The following AFF3 variants were observed in gnomAD, a reference collection of about 807,000 sequenced individuals.
The protein encoded by AFF3 is ALF transcription elongation factor 3.
A neutral mutation model predicts 129.7 loss-of-function variants in AFF3; 32 were observed. That is an observed-to-expected ratio of 0.25 (90% confidence interval 0.19 to 0.33). AFF3 has a LOEUF of 0.33. AFF3 is among the 10% of genes least tolerant of loss of function. AFF3 has a pLI of 1.00. For missense variants in AFF3, 1,373 were observed against 1,592.0 expected (o/e 0.86, Z 2.34); for synonymous variants, 644 against 635.4 (o/e 1.01, Z -0.20).
chr2:99,628,318 G>C (rs1682791023), intron 13 of AFF3, among the ~76,000 whole-genome samples: 1 of 152,024 alleles, frequency 6.6e-6, no homozygotes, highest in Non-Finnish European at 1.5e-5. Flanking sequence ...TATTCTTTTT[G>C]TGACAATTGT....
intron 7 of AFF3, among the ~76,000 whole-genome samples, chr2:99,975,754 CTTTTT>C (rs35224838): frequency 9.6e-6 from 1 of 103,894 alleles, no homozygotes; most frequent in Non-Finnish European, 1.9e-5. Context: ...TTTCCCTCCA[CTTTTT>C]TTTTTTTTTT....
At position 99,601,455 on chromosome 2, in the gene AFF3, G is replaced by A. The variant is rs1189549037; in HGVS notation, c.1351C>T (p.Pro451Ser). The change falls in exon 14 of 25, where the codon CCC (proline) becomes TCC (serine). Residue 451 changes from proline to serine, a missense_variant. By Grantham distance (74) the Pro-to-Ser change is moderately conservative. Around this residue, in one of 9 missense-constraint regions of AFF3, gnomAD observed 413 missense variants for 424.4 expected, o/e 0.97. Transcript: ENST00000672756. Reference protein sequence around the residue: ...SSSESEGSKPPHFSSPEAEPA... With the variant: ...SSSESEGSKPSHFSSPEAEPA... The stretch of plus-strand genomic sequence containing the variant: ...CTTACCTCGGGGCTGGAGAAGTGGG[G>A]GGGCTTGCTGCCCTCACTCTCGCTG... The A allele has an allele frequency of 2.5e-6, 4 of 1,607,906 alleles. No individual in the cohort carries two copies. The highest frequency in any genetic ancestry group is 1.7e-5 in the Admixed American group (1 of 59,536).
intron 8 of AFF3, among the ~76,000 whole-genome samples, chr2:99,806,427 C>T (rs2105546371): frequency 6.6e-6 from 1 of 152,298 alleles, no homozygotes; most frequent in African/African-American, 2.4e-5. Context: ...ATGCTCAGCT[C>T]TGCGATGGGA....
chr2:99,776,734 G>T (rs1411962314), intron 8 of AFF3, among the ~76,000 whole-genome samples: 1 of 152,178 alleles, frequency 6.6e-6, no homozygotes. Context: ...CAAAAAAACT[G>T]CTAAAATCAT....
At chr2:99,678,985 C>A (rs187468579) in intron 11 of AFF3, among the ~76,000 whole-genome samples, 1 of 152,198 alleles carries the variant, frequency 6.6e-6, no homozygotes, top group South Asian at 2.1e-4. Flanking sequence ...TTAGCTCATG[C>A]CATCCCAGCT....
At chr2:99,776,026 A>G (rs1158010456) in intron 8 of AFF3, among the ~76,000 whole-genome samples, 1 of 152,226 alleles carries the variant, frequency 6.6e-6, no homozygotes, top group African/African-American at 2.4e-5. Context: ...AAGCTTCTAC[A>G]GTAGAACGAT....
chr2:99,732,906 TGTTGTG>T (rs1679947509), intron 10 of AFF3, among the ~76,000 whole-genome samples: 1 of 67,270 alleles, frequency 1.5e-5, no homozygotes, highest in Non-Finnish European at 3.8e-5. Flanking sequence ...AATATAATTT[TGTTGTG>T]GTGTCTGCAT....
intron 4 of AFF3, among the ~76,000 whole-genome samples, chr2:100,084,218 T>C (rs1689252979): frequency 1.3e-5 from 2 of 152,244 alleles, no homozygotes; most frequent in African/African-American, 4.8e-5. Flanking sequence ...CCACATGCTA[T>C]GTGTCAGGTC....
chr2:99,617,089 G>C (rs1000164644), intron 13 of AFF3, among the ~76,000 whole-genome samples: 2 of 152,086 alleles, frequency 1.3e-5, no homozygotes, highest in Non-Finnish European at 2.9e-5. Context: ...TTCCATTTTG[G>C]GCTACTATGG....
In AFF3 at chr2:99,627,350, T is replaced by C. The variant is rs146806244; in HGVS notation, c.1184+22276A>G. ...CAGTGATGTTGAGCTTTTTTTCATA[T>C]GCTTGTTGGCCGCATGTATGTCTTC... On this transcript the variant is annotated intron_variant, in intron 13 of 24. Coordinates refer to ENST00000672756, the MANE Select transcript of AFF3 (RefSeq NM_001386135.1). Among the ~76,000 whole-genome samples, 35 of 152,316 alleles carry C rather than the reference T, an allele frequency of 2.3e-4. No homozygotes were observed. The East Asian group carries it at 5.8e-3, about 25-fold the overall frequency.
chr2:99,860,306 C>A (rs1400070283), intron 7 of AFF3, among the ~76,000 whole-genome samples: 1 of 152,090 alleles, frequency 6.6e-6, no homozygotes, highest in East Asian at 1.9e-4. Flanking sequence ...GTAATCCCAG[C>A]ACTCTGGGAG....
intron 4 of AFF3, among the ~76,000 whole-genome samples, chr2:100,010,082 C>T (rs1254347671): frequency 1.3e-5 from 2 of 152,146 alleles, no homozygotes; most frequent in Non-Finnish European, 2.9e-5. Flanking sequence ...TCTCTCTACG[C>T]CTTAATGACT....
chr2:100,020,854 T>C (rs1011578733), intron 4 of AFF3, among the ~76,000 whole-genome samples: 1 of 152,196 alleles, frequency 6.6e-6, no homozygotes, highest in Non-Finnish European at 1.5e-5. Flanking sequence ...CATTCGCTCC[T>C]ACCCCAGCCC....
At chr2:100,011,931 C>T (rs558628737) in intron 4 of AFF3, among the ~76,000 whole-genome samples, 3 of 152,188 alleles carry the variant, frequency 2.0e-5, no homozygotes, top group East Asian at 1.9e-4. Flanking sequence ...AGAAAAGATG[C>T]TCCTCTTTAA....
intron 7 of AFF3, among the ~76,000 whole-genome samples, chr2:99,967,014 A>G (rs1370385432): frequency 2.0e-5 from 3 of 152,148 alleles, no homozygotes; most frequent in Admixed American, 6.5e-5. Context: ...GTTTATATTC[A>G]TAAGTTGGAA....
At chr2:99,891,758 C>A (rs1576290057) in intron 7 of AFF3, among the ~76,000 whole-genome samples, 1 of 152,168 alleles carries the variant, frequency 6.6e-6, no homozygotes, top group African/African-American at 2.4e-5. Context: ...GGTCCCACAG[C>A]TCATAGTTGG....
chr2:99,926,712 G>A lies in AFF3; in HGVS notation c.873+79920C>T, dbSNP rs551809939. On this transcript the variant is annotated intron_variant, in intron 7 of 24. Coordinates refer to ENST00000672756, the MANE Select transcript of AFF3 (RefSeq NM_001386135.1). ...AGGGGCAAGCCTGCCCTGCCTGGGG[G>A]TTACAGAGGATTAAGTATGGTCTGT... is the stretch of plus-strand genomic sequence containing the variant. Among the ~76,000 whole-genome samples, 173 of 151,408 alleles carry A rather than the reference G, an allele frequency of 1.1e-3. 2 individuals carry two copies. In the Middle Eastern group the frequency reaches 0.02, roughly 18 times the overall value.
At chr2:99,667,095 A>C (rs1368436091) in intron 12 of AFF3, among the ~76,000 whole-genome samples, 1 of 152,180 alleles carries the variant, frequency 6.6e-6, no homozygotes, top group African/African-American at 2.4e-5. Flanking sequence ...ACATTCTTTT[A>C]AGTGCCTATA....
intron 11 of AFF3, among the ~76,000 whole-genome samples, chr2:99,721,673 T>C (rs1386401933): frequency 6.6e-6 from 1 of 152,246 alleles, no homozygotes; most frequent in Non-Finnish European, 1.5e-5. Context: ...TGTTCCCCTG[T>C]GTATAAGATA....
Sources: allele counts gnomAD v4.1 joint callset (sites outside exome capture counted in the v4.1 genomes callset), GRCh38; gene constraint gnomAD v4.1.1; regional missense constraint gnomAD v4.1.1; transcripts MANE v1.5; gene names NCBI Gene and HGNC (gene_info 2026-07-23, HGNC 2026-07-21).